The following ZBTB20 variants were observed in gnomAD, a reference collection of about 807,000 sequenced individuals.
ZBTB20 encodes the protein zinc finger and BTB domain-containing protein 20.
A neutral mutation model predicts 56.9 loss-of-function variants in ZBTB20; 9 were observed. That is an observed-to-expected ratio of 0.16 (90% CI 0.10 to 0.28). The LOEUF is 0.28. Among genes scored for constraint, ZBTB20 ranks in the 10% least tolerant of loss-of-function variants. The pLI, the probability that ZBTB20 is intolerant of heterozygous loss-of-function variation, is 1.00. For synonymous variants in ZBTB20, 417 were observed against 420.7 expected (o/e 0.99, Z 0.11); for missense variants, 655 against 1,003.0 (o/e 0.65, Z 4.69).
chr3:114,455,337 A>C (rs542989283), intron 7 of ZBTB20, among the ~76,000 whole-genome samples: 2 of 152,176 alleles, frequency 1.3e-5, no homozygotes, highest in African/African-American at 4.8e-5. Context: ...TCTGATAAGC[A>C]ATACTGCTCG....
At chr3:114,663,716 T>A (rs1214178767) in intron 6 of ZBTB20, among the ~76,000 whole-genome samples, 101 of 151,390 alleles carry the variant, frequency 6.7e-4, no homozygotes, top group Non-Finnish European at 1.2e-3. Context: ...AATGGAAAAC[T>A]AAAAAAGGCA....
chr3:114,473,727 GC>G (rs2040417879), intron 7 of ZBTB20, among the ~76,000 whole-genome samples: 1 of 152,150 alleles, frequency 6.6e-6, no homozygotes, highest in Non-Finnish European at 1.5e-5. Context: ...TCCTTCCCCT[GC>G]CTTCCCCAAG....
rs145739438 is a variant in ZBTB20 at position 114,461,597 on chromosome 3, G to A, written c.-255+38755C>T. On this transcript the variant is annotated intron_variant, in intron 7 of 11. Coordinates refer to ENST00000675478, the MANE Select transcript of ZBTB20 (RefSeq NM_001348800.3). ...CTGGATTACAGGTGTGAGCCACTGC[G>A]CCCAGCCCCTATCCAAACTTTAATA... Among the ~76,000 whole-genome samples the A allele has an allele frequency of 9.9e-5, 15 of 152,266 alleles. No homozygotes were observed. In the East Asian group the frequency reaches 1.2e-3, roughly 12 times the overall value.
chr3:114,827,462 A>C (rs1482752543), intron 4 of ZBTB20, among the ~76,000 whole-genome samples: 2 of 151,828 alleles, frequency 1.3e-5, no homozygotes, highest in African/African-American at 4.8e-5. Context: ...AACTATTTTA[A>C]CACGGTAGGC....
intron 5 of ZBTB20, among the ~76,000 whole-genome samples, chr3:114,701,874 T>A (rs893909172): frequency 5.3e-5 from 8 of 152,220 alleles, no homozygotes; most frequent in African/African-American, 1.9e-4. Context: ...AAATCCCTGT[T>A]TATTCATATG....
chr3:114,895,930 G>A (rs2074860430), intron 4 of ZBTB20, among the ~76,000 whole-genome samples: 1 of 152,084 alleles, frequency 6.6e-6, no homozygotes, highest in Non-Finnish European at 1.5e-5. Context: ...TTTTGGTAAA[G>A]GTCAGTGGGA....
intron 3 of ZBTB20, among the ~76,000 whole-genome samples, chr3:114,958,418 A>C (rs1560437395): frequency 6.6e-6 from 1 of 152,234 alleles, no homozygotes; most frequent in Non-Finnish European, 1.5e-5. Context: ...GAAGACAAAA[A>C]TCAGCTGGTG....
rs58480744 is a variant in ZBTB20, at chr3:115,055,187, ATCTC to A, written c.-507+16028_-507+16031del. On this transcript the variant is annotated intron_variant, in intron 2 of 11. Transcript: ENST00000675478. ...TACAATCTTTTGCTCCCTCCTGGTA[ATCTC>A]TCTCTCTCTCTCTCTCTCTCTCTCT... Among the ~76,000 whole-genome samples the A allele has an allele frequency of 1.5e-3, 159 of 103,176 alleles. 3 individuals carry two copies. Among genetic ancestry groups the A allele is most frequent in the African/African-American group, 5.4e-3 (136 of 25,164 alleles). 67.7% of individuals were successfully genotyped at this position (103,176 alleles called of 152,430 possible). A position where few individuals can be genotyped will look rare whatever the true frequency, so the allele number is the denominator to read the frequency against.
At chr3:114,493,530 G>A (rs962090128) in intron 7 of ZBTB20, among the ~76,000 whole-genome samples, 3 of 152,096 alleles carry the variant, frequency 2.0e-5, no homozygotes, top group South Asian at 2.1e-4. Context: ...CAGGCCTTAC[G>A]TATCTCTTCA....
rs770904053 is a variant in ZBTB20 at position 114,316,575 on chromosome 3, A to C, written c.*22430T>G. ...TACATAATATAGTGTATATCGTTTC[A>C]ACTGGAGATAAACTGAACTGGGTTC... On this transcript the variant is annotated 3_prime_UTR_variant, in exon 12 of 12. Transcript: ENST00000675478. 7.3e-5 allele frequency: 39 copies of C among 533,412 alleles called. No homozygotes were observed. The highest frequency in any genetic ancestry group is 5.3e-4 in the South Asian group (38 of 71,294). 33.0% of individuals were successfully genotyped at this position (533,412 alleles called of 1,614,324 possible).
intron 6 of ZBTB20, among the ~76,000 whole-genome samples, chr3:114,629,666 CTT>C (rs1285549927): frequency 6.6e-6 from 1 of 152,030 alleles, no homozygotes; most frequent in Non-Finnish European, 1.5e-5. Context: ...AAAAAGATGA[CTT>C]ATCATATTTA....
At chr3:114,420,026 TC>T (rs2088991144) in intron 7 of ZBTB20, among the ~76,000 whole-genome samples, 1 of 152,104 alleles carries the variant, frequency 6.6e-6, no homozygotes, top group African/African-American at 2.4e-5. Context: ...GAAAGGTAGG[TC>T]CCAATGGACT....
chr3:115,035,925 A>G (rs112279244), intron 2 of ZBTB20, among the ~76,000 whole-genome samples: 2 of 152,152 alleles, frequency 1.3e-5, no homozygotes, highest in South Asian at 2.1e-4. Flanking sequence ...ATGCTACAAC[A>G]TCAGTGAACT....
intron 1 of ZBTB20, among the ~76,000 whole-genome samples, chr3:115,137,954 G>A (rs2084696937): frequency 6.6e-6 from 1 of 152,026 alleles, no homozygotes; most frequent in Admixed American, 6.6e-5. Context: ...TCATGTTTTT[G>A]TGCCAAAAGC....
chr3:115,040,885 A>C (rs1231364232), intron 2 of ZBTB20, among the ~76,000 whole-genome samples: 1 of 152,158 alleles, frequency 6.6e-6, no homozygotes, highest in Non-Finnish European at 1.5e-5. Flanking sequence ...AGATGGCGGC[A>C]TAGAGTGCCC....
chr3:114,721,338 G>A (rs1182275248), intron 5 of ZBTB20, among the ~76,000 whole-genome samples: 1 of 152,062 alleles, frequency 6.6e-6, no homozygotes, highest in East Asian at 1.9e-4. Flanking sequence ...GAGAGAGTGC[G>A]AGCTTGTGAG....
At chr3:114,988,371 G>GAT (rs1193182004) in intron 2 of ZBTB20, among the ~76,000 whole-genome samples, 1 of 151,246 alleles carries the variant, frequency 6.6e-6, no homozygotes, top group Non-Finnish European at 1.5e-5. Context: ...TTGTCCTTGT[G>GAT]ATAGTTTGCT....
chr3:114,861,260 C>A (rs2075514573), intron 4 of ZBTB20, among the ~76,000 whole-genome samples: 1 of 151,972 alleles, frequency 6.6e-6, no homozygotes, highest in Non-Finnish European at 1.5e-5. Context: ...TTATTTTTTT[C>A]CGGAAATTAT....
At chr3:114,690,784 A>C (rs1215563729) in intron 6 of ZBTB20, among the ~76,000 whole-genome samples, 1 of 152,162 alleles carries the variant, frequency 6.6e-6, no homozygotes, top group Non-Finnish European at 1.5e-5. Context: ...CTTAATTAAA[A>C]ATTATAAACT....
Sources: gnomAD v4.1 joint callset for allele counts (sites outside exome capture counted in the v4.1 genomes callset) on GRCh38, gnomAD v4.1.1 for gene constraint, MANE v1.5 for transcripts, NCBI Gene and HGNC (gene_info 2026-07-23, HGNC 2026-07-21) for gene names.